Variants in TACR3 observed in about 807,000 individuals in gnomAD.
TACR3 encodes tachykinin receptor 3, also known as neuromedin-K receptor.
Under a neutral mutation model 35.0 loss-of-function variants are expected in TACR3, and 34 were observed. The ratio of observed to expected loss-of-function variants is 0.97; its 90% CI spans 0.74 to 1.30. The LOEUF (loss-of-function observed/expected upper bound fraction) is 1.30. Ranked by LOEUF, TACR3 falls within the 50% of genes most tolerant of loss-of-function variation. The probability of loss-of-function intolerance (pLI) is 0.00; values close to 1 mark genes in which losing one functional copy is unlikely to be tolerated. For synonymous variants in TACR3, 233 were observed against 221.1 expected, an observed-to-expected ratio of 1.05 and a Z score of -0.48; for missense variants, 558 against 591.7, an observed-to-expected ratio of 0.94 and a Z score of 0.59.
Position 103,587,528 on chromosome 4 carries a change from T to C in TACR3, c.*2154A>G, listed in dbSNP as rs1182358182. ...AAATAAATGTCTTAGAAAATTCTAC[T>C]GAATTTCTCTAATATGTGAGGGCCA... On this transcript the variant is annotated 3_prime_UTR_variant, in exon 5 of 5. Coordinates refer to ENST00000304883, the MANE Select transcript of TACR3 (RefSeq NM_001059.3). 1 of 152,118 alleles carries C rather than the reference T, an allele frequency of 6.6e-6. No individual in the cohort carries two copies. The highest frequency in any genetic ancestry group is 1.5e-5 in the Non-Finnish European group (1 of 67,986). 9.4% of individuals were successfully genotyped at this position (152,118 alleles called of 1,614,324 possible).
intron 4 of TACR3, among the ~76,000 whole-genome samples, chr4:103,590,839 T>C (rs1248932555): frequency 6.6e-6 from 1 of 152,198 alleles, no homozygotes; most frequent in Non-Finnish European, 1.5e-5. Context: ...TTTATCTTTT[T>C]TTTCTAGTCT....
intron 1 of TACR3, among the ~76,000 whole-genome samples, chr4:103,707,772 C>A (rs112846294): frequency 1.3e-5 from 2 of 151,996 alleles, no homozygotes; most frequent in Admixed American, 6.5e-5. Flanking sequence ...CTGTGACAGA[C>A]GGCACATGGA....
At chr4:103,665,109 G>A (rs1047986054) in intron 1 of TACR3, among the ~76,000 whole-genome samples, 3 of 151,688 alleles carry the variant, frequency 2.0e-5, no homozygotes, top group East Asian at 1.9e-4. Flanking sequence ...CACCAAACCC[G>A]GCCCATAACT....
chr4:103,709,382 T>C (rs1578267644), intron 1 of TACR3, among the ~76,000 whole-genome samples: 4 of 152,196 alleles, frequency 2.6e-5, no homozygotes, highest in South Asian at 2.1e-4. Flanking sequence ...ATTTTCAACC[T>C]AGAATTTCAT....
At chr4:103,597,451 T>A (rs991353187) in intron 3 of TACR3, among the ~76,000 whole-genome samples, 3 of 152,238 alleles carry the variant, frequency 2.0e-5, no homozygotes, top group African/African-American at 7.2e-5. Flanking sequence ...GAATCCTTTT[T>A]TTTAAATTTT....
intron 4 of TACR3, among the ~76,000 whole-genome samples, chr4:103,590,760 A>G (rs772172400): frequency 7.2e-4 from 110 of 152,360 alleles, no homozygotes; most frequent in Admixed American, 3.7e-3. Flanking sequence ...TACGAGCCCT[A>G]TGAAATTTAA....
At chr4:103,673,409 T>A (rs1196562500) in intron 1 of TACR3, among the ~76,000 whole-genome samples, 1 of 152,140 alleles carries the variant, frequency 6.6e-6, no homozygotes, top group Non-Finnish European at 1.5e-5. Flanking sequence ...TGGCTTAATT[T>A]CAACATTGTT....
At chr4:103,590,603 C>G (rs1325048772) in intron 4 of TACR3, among the ~76,000 whole-genome samples, 3 of 145,678 alleles carry the variant, frequency 2.1e-5, no homozygotes, top group Non-Finnish European at 3.0e-5. Context: ...AAAAAAAAAG[C>G]AAGAGTTAAT....
At chr4:103,628,776 G>A (rs956098420) in intron 3 of TACR3, among the ~76,000 whole-genome samples, 1 of 152,116 alleles carries the variant, frequency 6.6e-6, no homozygotes, top group African/African-American at 2.4e-5. Context: ...GAAAAAGAGG[G>A]AATCCTCCCT....
intron 3 of TACR3, 51 bp from the exon 4 acceptor site, chr4:103,591,734 C>A: frequency 6.6e-7 from 1 of 1,507,488 alleles, no homozygotes; most frequent in South Asian, 1.2e-5. Context: ...ATAATAGTTC[C>A]AATAGCTTAT....
At chr4:103,592,122 A>G (rs562261067) in intron 3 of TACR3, among the ~76,000 whole-genome samples, 3 of 152,298 alleles carry the variant, frequency 2.0e-5, no homozygotes, top group African/African-American at 7.2e-5. Flanking sequence ...TGTTCAAGTC[A>G]GTACTCTTCT....
At chr4:103,611,870 A>G (rs895496068) in intron 3 of TACR3, among the ~76,000 whole-genome samples, 2 of 152,274 alleles carry the variant, frequency 1.3e-5, no homozygotes, top group African/African-American at 4.8e-5. Flanking sequence ...TCACTGCCCC[A>G]TTCAATCACT....
At chr4:103,714,573 A>G (rs1723042284) in intron 1 of TACR3, among the ~76,000 whole-genome samples, 1 of 152,162 alleles carries the variant, frequency 6.6e-6, no homozygotes, top group Non-Finnish European at 1.5e-5. Flanking sequence ...AAATAATTCA[A>G]AAATATGTAA....
chr4:103,627,434 G>T (rs1386009838), intron 3 of TACR3, among the ~76,000 whole-genome samples: 1 of 150,384 alleles, frequency 6.6e-6, no homozygotes, highest in Non-Finnish European at 1.5e-5. Context: ...TGAGGCATGA[G>T]AATCACTTGA....
chr4:103,628,986 G>T (rs1198861155), intron 3 of TACR3, among the ~76,000 whole-genome samples: 2 of 152,068 alleles, frequency 1.3e-5, no homozygotes, highest in African/African-American at 2.4e-5. Context: ...TGGTTCAACA[G>T]ACACAAATCA....
intron 1 of TACR3, among the ~76,000 whole-genome samples, chr4:103,701,922 T>C (rs375024640): frequency 2.0e-5 from 3 of 152,130 alleles, no homozygotes; most frequent in Non-Finnish European, 4.4e-5. Flanking sequence ...AAGACTTAAA[T>C]GTTAGACCTA....
chr4:103,627,019 A>AT (rs1724908202), intron 3 of TACR3, among the ~76,000 whole-genome samples: 1 of 146,748 alleles, frequency 6.8e-6, no homozygotes, highest in African/African-American at 2.7e-5. Context: ...TGAAAAATAA[A>AT]TAAAAAAAAA....
chr4:103,656,946 A>AAAAAGCAAAAC (rs1553972209), intron 2 of TACR3, among the ~76,000 whole-genome samples: 1 of 150,860 alleles, frequency 6.6e-6, no homozygotes, highest in Admixed American at 6.6e-5. Flanking sequence ...TTAACTTGGT[A>AAAAAGCAAAAC]AAAACAAAAC....
chr4:103,629,868 A>C (rs201841443), intron 3 of TACR3, among the ~76,000 whole-genome samples: 3,168 of 109,496 alleles, frequency 0.029, 87 homozygotes, highest in Middle Eastern at 0.091. Flanking sequence ...AAACAAAAAA[A>C]AAACAAAAAA....
Sources: allele counts gnomAD v4.1 joint callset (sites outside exome capture counted in the v4.1 genomes callset), GRCh38; gene constraint gnomAD v4.1.1; transcripts MANE v1.5; gene names NCBI Gene and HGNC (gene_info 2026-07-23, HGNC 2026-07-21).